Variants in ATP6V0A4 observed in about 807,000 individuals in gnomAD.
ATP6V0A4 encodes ATPase H+ transporting V0 subunit a4.
Under a neutral mutation model 107.3 loss-of-function variants are expected in ATP6V0A4, and 86 were observed. The ratio of observed to expected loss-of-function variants is 0.80; its 90% confidence interval spans 0.67 to 0.96. The LOEUF is 0.96. Among genes scored for constraint, ATP6V0A4 ranks in the 40% least tolerant of loss-of-function variants. The pLI is 0.00. For missense variants in ATP6V0A4, 908 were observed against 1,045.6 expected (o/e 0.87, Z 1.81); for synonymous variants, 353 against 381.4 (o/e 0.93, Z 0.87).
At chr7:138,778,177 A>T (rs1807755398) in intron 2 of ATP6V0A4, among the ~76,000 whole-genome samples, 1 of 152,128 alleles carries the variant, frequency 6.6e-6, no homozygotes, top group Admixed American at 6.5e-5. Context: ...AATTCGAGAC[A>T]AGCCTGGCCA....
intron 5 of ATP6V0A4, among the ~76,000 whole-genome samples, chr7:138,764,109 T>G (rs950215730): frequency 2.6e-5 from 4 of 151,326 alleles, no homozygotes; most frequent in East Asian, 1.9e-4. Context: ...TAGAGAAAAT[T>G]TTTTAACATG....
At chr7:138,794,770 GAGTTGTT>G in intron 1 of ATP6V0A4, among the ~76,000 whole-genome samples, 1 of 152,184 alleles carries the variant, frequency 6.6e-6, no homozygotes, top group East Asian at 1.9e-4. Flanking sequence ...GGGCCACATG[GAGTTGTT>G]AGTTGTAGAC....
Position 138,733,086 on chromosome 7 carries a change from T to C in ATP6V0A4, c.1699A>G (p.Arg567Gly). Residue 567 changes from arginine (R) to glycine (G), a missense_variant, in exon 17 of 22, where the codon AGA becomes GGA. Arg to Gly is a moderately radical substitution (Grantham distance 125, BLOSUM62 -2). Transcript: ENST00000310018. ...ILSLFNHIYF[R>G]RTLNIILQFI... ...TGCAGAATGATGTTGAGAGTTCTTC[T>C]GAAGTATCTGGGGGTGGAAGACACA... is the stretch of plus-strand genomic sequence containing the variant. 6.2e-7 allele frequency: 1 copy of C among 1,613,960 alleles called. No individual in the cohort carries two copies. The highest frequency in any genetic ancestry group is 8.5e-7 in the Non-Finnish European group (1 of 1,179,910).
intron 16 of ATP6V0A4, 99 bp from the exon 17 acceptor site, chr7:138,733,192 T>A: frequency 5.9e-6 from 2 of 339,784 alleles, no homozygotes. Flanking sequence ...ATGTTCTATC[T>A]TTTTTTTTTT....
chr7:138,784,316 A>G (rs1388378866), intron 2 of ATP6V0A4, among the ~76,000 whole-genome samples: 2 of 134,740 alleles, frequency 1.5e-5, no homozygotes, highest in Non-Finnish European at 3.0e-5. Context: ...ACATATATAT[A>G]TATGTATTTT....
At chr7:138,716,599 T>C (rs1584891314) in intron 19 of ATP6V0A4, among the ~76,000 whole-genome samples, 2 of 151,706 alleles carry the variant, frequency 1.3e-5, no homozygotes, top group South Asian at 4.2e-4. Context: ...GGTCTTGCTC[T>C]GTCACTCAGG....
At chr7:138,739,670 C>A in intron 14 of ATP6V0A4, 37 bp from the exon 15 acceptor site, 2 of 1,611,574 alleles carry the variant, frequency 1.2e-6, no homozygotes, top group South Asian at 2.2e-5. Flanking sequence ...AAACAATGAT[C>A]AACCGGGGCA....
intron 1 of ATP6V0A4, among the ~76,000 whole-genome samples, chr7:138,789,553 GTT>G (rs1185026106): frequency 6.6e-6 from 1 of 151,458 alleles, no homozygotes; most frequent in African/African-American, 2.4e-5. Context: ...TGGCCAGCTT[GTT>G]TTTTTAATGG....
intron 10 of ATP6V0A4, among the ~76,000 whole-genome samples, chr7:138,754,448 CA>C (rs978640948): frequency 0.25 from 18,216 of 73,506 alleles, 1,195 homozygotes; most frequent in East Asian, 0.46. Context: ...AACTCCATCT[CA>C]AAAAAAAAAA....
At position 138,773,423 on chromosome 7, in the gene ATP6V0A4, C is replaced by G. The variant is rs918345125; in HGVS notation, c.-17-2159G>C. Among the ~76,000 whole-genome samples the G allele has an allele frequency of 2.6e-5, 4 of 152,204 alleles. No individual in the cohort carries two copies. The highest frequency in any genetic ancestry group is 2.9e-5 in the Non-Finnish European group (2 of 68,046). On this transcript the variant is annotated intron_variant, in intron 2 of 21. Coordinates refer to ENST00000310018, the MANE Select transcript of ATP6V0A4 (RefSeq NM_020632.3). The surrounding 1 kb of genome is among the most constrained non-coding windows in gnomAD (Gnocchi z 5.4). ...CCTCCACAAGCCTTCCCTGACACCT[C>G]CAGCTCCCTCAAGGAGCTAAGCCCC... is the stretch of plus-strand genomic sequence containing the variant.
chr7:138,760,328 A>G (rs1192180481), intron 7 of ATP6V0A4, among the ~76,000 whole-genome samples: 1 of 151,746 alleles, frequency 6.6e-6, no homozygotes, highest in African/African-American at 2.4e-5. Context: ...CTATAGTCCC[A>G]GCTACTCAGG....
At chr7:138,707,209 TATATTATATAGAATATA>T in intron 21 of ATP6V0A4, among the ~76,000 whole-genome samples, 1 of 81,668 alleles carries the variant, frequency 1.2e-5, no homozygotes, top group Non-Finnish European at 2.1e-5. Flanking sequence ...TATAATATAT[TATATTATATAGAATATA>T]TTATATAATA....
intron 1 of ATP6V0A4, among the ~76,000 whole-genome samples, chr7:138,789,872 GA>G (rs1172051735): frequency 1.3e-5 from 2 of 150,636 alleles, no homozygotes; most frequent in Non-Finnish European, 2.9e-5. Flanking sequence ...GGGAGGCTGA[GA>G]CACTAGAATC....
rs140508157 is a variant in ATP6V0A4, at chr7:138,733,841, G to A, written c.1691+295C>T. ...GATCCACCTGTCGGCCTTCCAAAGC[G>A]CTGGGATTACAGGTGTGAGACACCG... is the stretch of plus-strand genomic sequence containing the variant. On this transcript the variant is annotated intron_variant, in intron 16 of 21. Transcript: ENST00000310018. Among the ~76,000 whole-genome samples, 1,468 of 152,136 alleles carry A rather than the reference G, an allele frequency of 9.6e-3. 28 individuals carry two copies. Among genetic ancestry groups the A allele is most frequent in the African/African-American group, 0.033 (1,388 of 41,512 alleles).
intron 5 of ATP6V0A4, among the ~76,000 whole-genome samples, chr7:138,767,163 T>C (rs968237440): frequency 6.6e-6 from 1 of 152,230 alleles, no homozygotes; most frequent in African/African-American, 2.4e-5. Context: ...ATTATTGTTA[T>C]TTTCAAGTGA....
intron 16 of ATP6V0A4, 106 bp from the exon 17 acceptor site, chr7:138,733,199 T>C: frequency 6.5e-7 from 1 of 1,541,218 alleles, no homozygotes; most frequent in East Asian, 2.4e-5. Flanking sequence ...ATCTTTTTTT[T>C]TTTTGCACTA....
intron 5 of ATP6V0A4, 120 bp from the exon 6 acceptor site, chr7:138,763,145 A>T: frequency 7.0e-7 from 1 of 1,422,310 alleles, no homozygotes; most frequent in Non-Finnish European, 9.6e-7. Context: ...ATGATTGCAG[A>T]CCCTAATACA....
Position 138,732,894 on chromosome 7 carries a change from G to A in ATP6V0A4, c.1891C>T (p.Pro631Ser), listed in dbSNP as rs1584907699. 2 of 1,612,610 alleles carry A rather than the reference G, an allele frequency of 1.2e-6. No homozygotes were observed. Among genetic ancestry groups the A allele is most frequent in the Non-Finnish European group, 1.7e-6 (2 of 1,179,090 alleles). ...LFNYSDSSNA[P>S]LYKHQQEVQS... ...AGAAATACCTGATGTTTGTAGAGGG[G>A]TGCGTTGGAAGAGTCACTGTAGTTA... is the stretch of plus-strand genomic sequence containing the variant. Residue 631 changes from proline (P) to serine (S), a missense_variant, in exon 17 of 22, where the codon CCC (proline) becomes TCC (serine). Coordinates refer to ENST00000310018, the MANE Select transcript of ATP6V0A4 (RefSeq NM_020632.3).
chr7:138,734,127 G>C lies in ATP6V0A4; in HGVS notation c.1691+9C>G. The stretch of plus-strand genomic sequence containing the variant: ...ACAGAGCAGGCAGAGAGTGCATCAA[G>C]AAACTTACATGTGATTGAAAAGGCT... On this transcript the variant is annotated intron_variant, in intron 16 of 21. Coordinates refer to ENST00000310018, the MANE Select transcript of ATP6V0A4 (RefSeq NM_020632.3). 1 of 1,607,320 alleles carries C rather than the reference G, an allele frequency of 6.2e-7. No individual in the cohort carries two copies. Among genetic ancestry groups the C allele is most frequent in the Non-Finnish European group, 8.5e-7 (1 of 1,174,098 alleles).
Sources: allele counts gnomAD v4.1 joint callset (sites outside exome capture counted in the v4.1 genomes callset), GRCh38; gene constraint gnomAD v4.1.1; non-coding constraint Gnocchi (gnomAD v3.1); transcripts MANE v1.5; gene names NCBI Gene and HGNC (gene_info 2026-07-23, HGNC 2026-07-21).